The following IKZF3 variants were observed in gnomAD, a reference collection of about 807,000 sequenced individuals.
IKZF3 encodes the protein zinc finger protein Aiolos.
IKZF3 carries 10 observed loss-of-function variants against 49.0 expected under a neutral mutation model. The ratio of observed to expected loss-of-function variants is 0.20; its 90% CI spans 0.13 to 0.35. IKZF3 has a LOEUF of 0.35. Among genes scored for constraint, IKZF3 ranks in the 10% least tolerant of loss-of-function variants. IKZF3 has a pLI of 1.00. For missense variants in IKZF3, 498 were observed against 664.8 expected, an observed-to-expected ratio of 0.75 and a Z score of 2.76; for synonymous variants, 209 against 228.2, an observed-to-expected ratio of 0.92 and a Z score of 0.76.
intron 3 of IKZF3, among the ~76,000 whole-genome samples, chr17:39,825,349 T>C (rs1185789818): frequency 6.6e-6 from 1 of 151,992 alleles, no homozygotes; most frequent in Non-Finnish European, 1.5e-5. Context: ...AGAGAGGTGG[T>C]TATTATGTGC....
intron 1 of IKZF3, among the ~76,000 whole-genome samples, chr17:39,862,862 A>T (rs904243215): frequency 1.3e-5 from 2 of 152,154 alleles, no homozygotes; most frequent in Non-Finnish European, 1.5e-5. Flanking sequence ...TCTTTATTGC[A>T]CATTAAATAA....
intron 3 of IKZF3, among the ~76,000 whole-genome samples, chr17:39,802,387 G>C (rs541507405): frequency 6.6e-6 from 1 of 151,572 alleles, no homozygotes; most frequent in Non-Finnish European, 1.5e-5. Flanking sequence ...TGGGAGGATC[G>C]CTTGGGCCCA....
intron 1 of IKZF3, among the ~76,000 whole-genome samples, chr17:39,838,832 T>C (rs919926208): frequency 6.6e-6 from 1 of 152,184 alleles, no homozygotes; most frequent in South Asian, 2.1e-4. Context: ...GTAGGAATCT[T>C]TGTTTTACTT....
intron 7 of IKZF3, among the ~76,000 whole-genome samples, chr17:39,769,242 T>G (rs2060374476): frequency 6.6e-6 from 1 of 152,186 alleles, no homozygotes; most frequent in Admixed American, 6.5e-5. Flanking sequence ...CTACCTGCCC[T>G]TGAGAAAGAC....
At chr17:39,812,430 G>A (rs889482422) in intron 3 of IKZF3, among the ~76,000 whole-genome samples, 8 of 152,150 alleles carry the variant, frequency 5.3e-5, no homozygotes, top group East Asian at 3.9e-4. Flanking sequence ...GCTCAGGATC[G>A]GGGAAGGGCT....
intron 1 of IKZF3, among the ~76,000 whole-genome samples, chr17:39,846,345 AC>A (rs1274395929): frequency 6.6e-6 from 1 of 152,134 alleles, no homozygotes; most frequent in East Asian, 1.9e-4. Flanking sequence ...ATTGTTTTCT[AC>A]CAGTATAGAA....
chr17:39,826,633 G>A (rs1465985988), intron 3 of IKZF3, among the ~76,000 whole-genome samples: 1 of 152,194 alleles, frequency 6.6e-6, no homozygotes, highest in Non-Finnish European at 1.5e-5. Context: ...AATTTGAGGG[G>A]TGCATTAAAG....
rs934257671 is a variant in IKZF3, at chr17:39,758,050, AG to A, written c.*7739del. On this transcript the variant is annotated 3_prime_UTR_variant, in exon 8 of 8. Transcript: ENST00000346872. ...AGGGCTCCCTCCCGCCTTCCCTCCCAGTGGGAAGGCCACCCTGAGCCCCAAA... is the reference window on the plus strand; with the variant it reads ...AGGGCTCCCTCCCGCCTTCCCTCCCATGGGAAGGCCACCCTGAGCCCCAAA... The A allele has an allele frequency of 3.9e-5, 6 of 152,176 alleles. No individual in the cohort carries two copies. Among genetic ancestry groups the A allele is most frequent in the Non-Finnish European group, 8.8e-5 (6 of 68,038 alleles). The allele number at this position is 152,176 out of a possible 1,614,324, so 9.4% of individuals were successfully genotyped here. A position where few individuals can be genotyped will look rare whatever the true frequency, so the allele number is the denominator to read the frequency against.
rs760181964 is a variant in IKZF3, at chr17:39,792,938, A to T, written c.164-5T>A. Reference sequence around the variant, plus strand: ...CTTTCACTTTCATTGAATCATCTGCAGGGAAGAAAATGCAAGAAATGAACA... The same window carrying T: ...CTTTCACTTTCATTGAATCATCTGCTGGGAAGAAAATGCAAGAAATGAACA... On this transcript the variant is annotated splice_polypyrimidine_tract_variant and splice_region_variant and intron_variant, in intron 3 of 7. Coordinates refer to ENST00000346872, the MANE Select transcript of IKZF3 (RefSeq NM_012481.5). 1 of 1,611,658 alleles carries T rather than the reference A, an allele frequency of 6.2e-7. No individual in the cohort carries two copies. Among genetic ancestry groups the T allele is most frequent in the East Asian group, 2.2e-5 (1 of 44,862 alleles).
At chr17:39,782,393 AAACAACAAC>A (rs552558091) in intron 6 of IKZF3, among the ~76,000 whole-genome samples, 12 of 151,232 alleles carry the variant, frequency 7.9e-5, no homozygotes, top group Non-Finnish European at 1.0e-4. Flanking sequence ...CCCTGTCTCT[AAACAACAAC>A]AACAACAACA....
At chr17:39,822,397 G>A (rs2061833417) in intron 3 of IKZF3, among the ~76,000 whole-genome samples, 1 of 152,024 alleles carries the variant, frequency 6.6e-6, no homozygotes, top group Admixed American at 6.6e-5. Flanking sequence ...GTTCTCACAA[G>A]ATCTGATGGT....
At chr17:39,784,313 T>C (rs1450776553) in intron 6 of IKZF3, among the ~76,000 whole-genome samples, 1 of 152,180 alleles carries the variant, frequency 6.6e-6, no homozygotes, top group East Asian at 1.9e-4. Flanking sequence ...CTTCTTTTCA[T>C]ATATACTCCA....
chr17:39,812,445 TG>T lies in IKZF3; in HGVS notation c.163+16941del, dbSNP rs67901772. Among the ~76,000 whole-genome samples, 967 of 152,302 alleles carry T rather than the reference TG, an allele frequency of 6.3e-3. 12 individuals carry two copies. The highest frequency in any genetic ancestry group is 0.022 in the African/African-American group (924 of 41,550). On this transcript the variant is annotated intron_variant, in intron 3 of 7. Coordinates refer to ENST00000346872, the MANE Select transcript of IKZF3 (RefSeq NM_012481.5). ...GCTCAGGATCGGGGAAGGGCTTATT[TG>T]TGGCATTTGCTGATTTCAGTGGTAT...
rs529062302 is a variant in IKZF3 at position 39,815,144 on chromosome 17, T to C, written c.163+14243A>G. On this transcript the variant is annotated intron_variant, in intron 3 of 7. Transcript: ENST00000346872. ...AAAAATACTATCGGCAAATGCATCA[T>C]ACCCTCATAACATATACATGCTCAT... 3.3e-5 allele frequency among the ~76,000 whole-genome samples: 5 copies of C among 152,306 alleles called. No homozygotes were observed. The East Asian group carries it at 9.6e-4, about 29-fold the overall frequency.
Position 39,829,370 on chromosome 17 carries a change from T to G in IKZF3, c.163+17A>C, listed in dbSNP as rs776320478. 93 of 1,571,120 alleles carry G rather than the reference T, an allele frequency of 5.9e-5. No individual in the cohort carries two copies. Among genetic ancestry groups the G allele is most frequent in the Non-Finnish European group, 8.0e-5 (91 of 1,141,070 alleles). ...TATCTACAGGCATCAGTGTTTAGTCTGCACACTACGGCTCACCTCCTATGT... is the reference window on the plus strand; with the variant it reads ...TATCTACAGGCATCAGTGTTTAGTCGGCACACTACGGCTCACCTCCTATGT... On this transcript the variant is annotated intron_variant, in intron 3 of 7. Transcript: ENST00000346872.
intron 3 of IKZF3, among the ~76,000 whole-genome samples, chr17:39,796,234 A>G (rs971443364): frequency 1.3e-5 from 2 of 152,178 alleles, no homozygotes; most frequent in Non-Finnish European, 2.9e-5. Context: ...TGTTCTACTT[A>G]GAAAAATTCT....
intron 6 of IKZF3, among the ~76,000 whole-genome samples, chr17:39,779,436 G>A (rs2060673126): frequency 6.6e-6 from 1 of 151,910 alleles, no homozygotes; most frequent in Non-Finnish European, 1.5e-5. Context: ...ACTCCAGCCT[G>A]GGCAATAAGA....
At position 39,823,807 on chromosome 17, in the gene IKZF3, T is replaced by C. The variant is rs138406010; in HGVS notation, c.163+5580A>G. On this transcript the variant is annotated intron_variant, in intron 3 of 7. Coordinates refer to ENST00000346872, the MANE Select transcript of IKZF3 (RefSeq NM_012481.5). ...GAATTGAGGTTTGGGAACCTCTGCTTAGATTTCAGAGGATGTATGAAAACA... is the reference window on the plus strand; with the variant it reads ...GAATTGAGGTTTGGGAACCTCTGCTCAGATTTCAGAGGATGTATGAAAACA... Among the ~76,000 whole-genome samples, 944 of 152,330 alleles carry C rather than the reference T, an allele frequency of 6.2e-3. 9 individuals carry two copies. Among genetic ancestry groups the C allele is most frequent in the African/African-American group, 0.021 (885 of 41,566 alleles).
At chr17:39,806,732 T>C (rs2061438840) in intron 3 of IKZF3, among the ~76,000 whole-genome samples, 1 of 152,202 alleles carries the variant, frequency 6.6e-6, no homozygotes, top group Non-Finnish European at 1.5e-5. Context: ...CCTTGTGTAA[T>C]ATTCCCCTCC....
Sources: gnomAD v4.1 joint callset for allele counts (sites outside exome capture counted in the v4.1 genomes callset) on GRCh38, gnomAD v4.1.1 for gene constraint, MANE v1.5 for transcripts, NCBI Gene and HGNC (gene_info 2026-07-23, HGNC 2026-07-21) for gene names.